The following C10orf143 variants were observed in gnomAD, a reference collection of about 807,000 sequenced individuals.
C10orf143 encodes the protein chromosome 10 open reading frame 143.
intron 3 of C10orf143, among the ~76,000 whole-genome samples, chr10:130,069,403 G>A (rs564781148): frequency 2.6e-5 from 4 of 152,110 alleles, no homozygotes; most frequent in Non-Finnish European, 5.9e-5. Flanking sequence ...AAAATCTGTC[G>A]CTAGAAGACT....
chr10:130,041,830 CACATGCATGT>C (rs1387333425), intron 3 of C10orf143, among the ~76,000 whole-genome samples: 1 of 151,850 alleles, frequency 6.6e-6, no homozygotes, highest in Non-Finnish European at 1.5e-5. Flanking sequence ...CACACACACA[CACATGCATGT>C]ACACACATGC....
downstream of C10orf143, among the ~76,000 whole-genome samples, chr10:130,059,325 C>T (rs1006092198): frequency 6.6e-6 from 1 of 152,032 alleles, no homozygotes; most frequent in African/African-American, 2.4e-5. Context: ...ATATAAATAT[C>T]ATTGAAAACA....
intron 3 of C10orf143, among the ~76,000 whole-genome samples, chr10:130,051,267 TCC>T (rs1860734114): frequency 6.7e-6 from 1 of 150,172 alleles, no homozygotes; most frequent in Admixed American, 6.6e-5. Flanking sequence ...GAGTCTCATC[TCC>T]CTCTCCTACC....
chr10:130,078,183 C>T (rs1437437870), intron 3 of C10orf143, among the ~76,000 whole-genome samples: 2 of 152,078 alleles, frequency 1.3e-5, no homozygotes, highest in Non-Finnish European at 2.9e-5. Context: ...CAAAATGATC[C>T]AATCAGTTGC....
intron 1 of C10orf143, among the ~76,000 whole-genome samples, chr10:130,095,224 C>A (rs1029054378): frequency 1.3e-5 from 2 of 151,298 alleles, no homozygotes; most frequent in African/African-American, 4.9e-5. Flanking sequence ...ACCTAGGAAT[C>A]CAACTTACAA....
chr10:130,038,555 G>A (rs1860570631), intron 3 of C10orf143, among the ~76,000 whole-genome samples: 1 of 152,132 alleles, frequency 6.6e-6, no homozygotes, highest in Non-Finnish European at 1.5e-5. Flanking sequence ...GAGGAAAATG[G>A]TTTCGGGGGA....
chr10:130,061,359 T>G (rs1860855939), downstream of C10orf143, among the ~76,000 whole-genome samples: 1 of 152,242 alleles, frequency 6.6e-6, no homozygotes, highest in Non-Finnish European at 1.5e-5. Context: ...AAAACAAATT[T>G]GGAAATAAAC....
intron 3 of C10orf143, among the ~76,000 whole-genome samples, chr10:130,070,649 T>C (rs979741390): frequency 1.1e-4 from 17 of 152,196 alleles, no homozygotes; most frequent in Non-Finnish European, 2.2e-4. Context: ...CGCCCTTATT[T>C]TGAAGTTGTT....
At chr10:130,101,063 C>T (rs1404067217) in intron 1 of C10orf143, 2 of 151,636 alleles carry the variant, frequency 1.3e-5, no homozygotes, top group Admixed American at 6.6e-5. Flanking sequence ...ACTAAAAATA[C>T]AAAAAATTAG....
Position 130,102,937 on chromosome 10 carries a change from A to G in C10orf143, c.69+7767T>C, listed in dbSNP as rs116300829. ...TTTTATTTATCTATTGCATCTTTAT[A>G]TTTATAGTGAGTTTCTTATAGATGG... On this transcript the variant is annotated intron_variant, in intron 1 of 3. Transcript: ENST00000637128. Among the ~76,000 whole-genome samples the G allele has an allele frequency of 5.2e-3, 764 of 147,738 alleles. 8 individuals are homozygous for G. The highest frequency in any genetic ancestry group is 0.018 in the African/African-American group (734 of 40,442).
rs1389049150 is a variant in C10orf143, at chr10:130,064,013, A to G, written c.*341T>C. The G allele has an allele frequency of 1.8e-5, 4 of 216,238 alleles. No homozygotes were observed. Among genetic ancestry groups the G allele is most frequent in the Non-Finnish European group, 9.1e-6 (1 of 110,390 alleles). 13.4% of individuals were successfully genotyped at this position (216,238 alleles called of 1,614,324 possible). ...GCGTCTGGGTGGGCCTCCATAGGCC[A>G]TGAGTGCCCAAGCTCATAGGAAGTT... On this transcript the variant is annotated 3_prime_UTR_variant, in exon 4 of 4. Transcript: ENST00000637128.
At chr10:130,097,964 G>A (rs1564968674) in intron 1 of C10orf143, among the ~76,000 whole-genome samples, 1 of 151,868 alleles carries the variant, frequency 6.6e-6, no homozygotes. Flanking sequence ...TGAAAACTGG[G>A]TGGTGATAGT....
At chr10:130,082,541 A>C (rs1445597806) in intron 1 of C10orf143, among the ~76,000 whole-genome samples, 1 of 152,190 alleles carries the variant, frequency 6.6e-6, no homozygotes, top group East Asian at 1.9e-4. Flanking sequence ...AAGTCTCACG[A>C]GATCTGATGT....
intron 3 of C10orf143, among the ~76,000 whole-genome samples, chr10:130,037,888 C>A (rs368894538): frequency 1.8e-4 from 28 of 152,080 alleles, no homozygotes; most frequent in African/African-American, 6.3e-4. Flanking sequence ...TCCCATATTG[C>A]GGCAGGTTAG....
At chr10:130,082,470 C>T (rs1304772641) in intron 1 of C10orf143, among the ~76,000 whole-genome samples, 2 of 152,012 alleles carry the variant, frequency 1.3e-5, no homozygotes, top group Non-Finnish European at 2.9e-5. Flanking sequence ...TGGGAGGGAC[C>T]CAGTGGGGGA....
In C10orf143 at chr10:130,056,227, C is replaced by T. The variant is rs1052491194; in HGVS notation, c.298-20257G>A. On this transcript the variant is annotated intron_variant and NMD_transcript_variant, in intron 3 of 5. Coordinates refer to the C10orf143 transcript ENST00000643056. The surrounding 1 kb of genome is among the most constrained non-coding windows in gnomAD (Gnocchi z 4.6). ...TTAGTAAATGTGCAATTAACCCTTA[C>T]CGACCCTAGCAAGCCACTGGTGGTC... Among the ~76,000 whole-genome samples the T allele has an allele frequency of 4.6e-5, 7 of 152,180 alleles. No homozygotes were observed. The highest frequency in any genetic ancestry group is 1.7e-4 in the African/African-American group (7 of 41,444).
At chr10:130,102,735 G>C (rs1463461158) in intron 1 of C10orf143, among the ~76,000 whole-genome samples, 2 of 152,134 alleles carry the variant, frequency 1.3e-5, no homozygotes, top group African/African-American at 4.8e-5. Context: ...TCTGTTGTTA[G>C]ATGCATAAAC....
chr10:130,100,238 T>C (rs1472369631), intron 1 of C10orf143, among the ~76,000 whole-genome samples: 2 of 151,842 alleles, frequency 1.3e-5, no homozygotes, highest in East Asian at 3.9e-4. Flanking sequence ...TGACCAAAAA[T>C]GGACAAAACA....
At chr10:130,063,256 A>G (rs1409034200), downstream of C10orf143, among the ~76,000 whole-genome samples, 1 of 152,234 alleles carries the variant, frequency 6.6e-6, no homozygotes, top group South Asian at 2.1e-4. Flanking sequence ...GGAAGAGTTT[A>G]CACACAAAAA....
Sources: allele counts gnomAD v4.1 joint callset (sites outside exome capture counted in the v4.1 genomes callset), GRCh38; gene constraint gnomAD v4.1.1; non-coding constraint Gnocchi (gnomAD v3.1); transcripts MANE v1.5; gene names NCBI Gene and HGNC (gene_info 2026-07-23, HGNC 2026-07-21).